Variants in CAMK1G observed in about 807,000 individuals in gnomAD.
The protein encoded by CAMK1G is calcium/calmodulin dependent protein kinase IG, also known as calcium/calmodulin-dependent protein kinase type 1G.
A neutral mutation model predicts 54.8 loss-of-function variants in CAMK1G; 27 were observed. That is an observed-to-expected ratio of 0.49 (90% CI 0.36 to 0.68). The LOEUF (loss-of-function observed/expected upper bound fraction) is 0.68. CAMK1G is among the 30% of genes least tolerant of loss of function. The pLI is 0.00. For synonymous variants in CAMK1G, 238 were observed against 224.9 expected (o/e 1.06, Z -0.52); for missense variants, 512 against 591.0 (o/e 0.87, Z 1.39).
intron 1 of CAMK1G, among the ~76,000 whole-genome samples, chr1:209,589,915 T>C (rs1348738112): frequency 4.6e-5 from 7 of 152,316 alleles, no homozygotes; most frequent in African/African-American, 1.7e-4. Context: ...TTTTCTTTGC[T>C]AGGAGCCATT....
In CAMK1G at chr1:209,603,240, T is replaced by G; in HGVS notation, c.248T>G (p.Leu83Arg). 6.2e-7 allele frequency: 1 copy of G among 1,614,172 alleles called. No individual in the cohort carries two copies. Among genetic ancestry groups the G allele is most frequent in the Non-Finnish European group, 8.5e-7 (1 of 1,180,016 alleles). Residue 83 changes from leucine (L) to arginine (R), a missense_variant, in exon 4 of 13, where the codon CTG becomes CGG. Leu to Arg is a moderately radical substitution (Grantham distance 102). This residue lies in a region of CAMK1G where 186 missense variants were observed against 231.5 expected (regional missense o/e 0.80). Transcript: ENST00000361322. ...KKIKHENIVT[L>R]EDIYESTTHY... is the part of the protein sequence containing the mutation. ...ATCAAGCATGAAAACATTGTGACCC[T>G]GGAGGACATCTATGAGAGCACCACC... is the stretch of plus-strand genomic sequence containing the variant.
chr1:209,598,981 A>C (rs747802988), intron 2 of CAMK1G, among the ~76,000 whole-genome samples: 2 of 152,164 alleles, frequency 1.3e-5, no homozygotes, highest in Non-Finnish European at 2.9e-5. Flanking sequence ...TTTATAAAGG[A>C]AAGAGGTTTA....
At chr1:209,585,638 T>TG (rs1665077488) in intron 1 of CAMK1G, among the ~76,000 whole-genome samples, 1 of 152,134 alleles carries the variant, frequency 6.6e-6, no homozygotes, top group Admixed American at 6.5e-5. Context: ...CCCACCCAGG[T>TG]GCGTGGTCCA....
chr1:209,588,664 G>C (rs1319438210), intron 1 of CAMK1G, among the ~76,000 whole-genome samples: 7 of 152,106 alleles, frequency 4.6e-5, no homozygotes, highest in African/African-American at 1.7e-4. Flanking sequence ...GCAGTTTTAG[G>C]GTATATGACC....
At position 209,591,255 on chromosome 1, in the gene CAMK1G, C is replaced by T. The variant is rs933998270; in HGVS notation, c.-29-3700C>T. On this transcript the variant is annotated intron_variant, in intron 1 of 12. Coordinates refer to ENST00000361322, the MANE Select transcript of CAMK1G (RefSeq NM_020439.3). ...TGCTGTGGTCCCTCTGGGCTGCCAC[C>T]CTGCCAAGAGGAGCAGATCAGCAAA... Among the ~76,000 whole-genome samples, 4 of 152,234 alleles carry T rather than the reference C, an allele frequency of 2.6e-5. No homozygotes were observed. The East Asian group carries it at 5.8e-4, about 22-fold the overall frequency.
chr1:209,587,772 T>C (rs1665139407), intron 1 of CAMK1G, among the ~76,000 whole-genome samples: 1 of 152,092 alleles, frequency 6.6e-6, no homozygotes, highest in Non-Finnish European at 1.5e-5. Flanking sequence ...TGATATAAAG[T>C]CCAATATGGA....
intron 7 of CAMK1G, 93 bp from the exon 8 acceptor site, chr1:209,608,887 C>T: frequency 2.6e-6 from 4 of 1,534,930 alleles, no homozygotes; most frequent in Non-Finnish European, 3.5e-6. Flanking sequence ...CAGTGCCCAC[C>T]TGTGTATACA....
intron 1 of CAMK1G, among the ~76,000 whole-genome samples, chr1:209,587,306 C>T (rs1665128248): frequency 1.3e-5 from 2 of 152,072 alleles, no homozygotes; most frequent in Admixed American, 1.3e-4. Flanking sequence ...TCATCTATCC[C>T]TGCAAAATAT....
intron 9 of CAMK1G, among the ~76,000 whole-genome samples, chr1:209,610,802 G>A (rs1244791662): frequency 2.6e-5 from 4 of 152,098 alleles, no homozygotes; most frequent in African/African-American, 9.7e-5. Context: ...GGCTCCTAGG[G>A]GTCAGGGCCC....
chr1:209,605,729 C>T, intron 5 of CAMK1G, 55 bp downstream of exon 5: 9 of 1,526,740 alleles, frequency 5.9e-6, no homozygotes, highest in Non-Finnish European at 8.0e-6. Flanking sequence ...AAGGAAGCTG[C>T]ATGGGTCATG....
At chr1:209,610,241 G>A (rs945667133) in intron 9 of CAMK1G, among the ~76,000 whole-genome samples, 1 of 152,208 alleles carries the variant, frequency 6.6e-6, no homozygotes, top group Non-Finnish European at 1.5e-5. Context: ...TGCCAGGAAT[G>A]GGCAACTCTG....
chr1:209,611,878 G>C lies in CAMK1G; in HGVS notation c.1002G>C (p.Glu334Asp), dbSNP rs148199770. The change falls in exon 11 of 13, where the codon GAG becomes GAC. Residue 334 changes from glutamate (E) to aspartate (D), a missense_variant. Around this residue, in one of 3 missense-constraint regions of CAMK1G, gnomAD observed 315 missense variants for 330.5 expected, o/e 0.95. Transcript: ENST00000361322. ...GCCCGGGCGTCCGCCCAGAGGTGGA[G>C]AACAGGCCGCCTGAAACTCAAGCCT... ...LHSPGVRPEV[E>D]NRPPETQASE... is the part of the protein sequence containing the mutation. 1.2e-6 allele frequency: 2 copies of C among 1,614,144 alleles called. No individual in the cohort carries two copies. The highest frequency in any genetic ancestry group is 2.7e-5 in the African/African-American group (2 of 74,950).
chr1:209,594,733 G>A (rs1179775193), intron 1 of CAMK1G, among the ~76,000 whole-genome samples: 2 of 152,240 alleles, frequency 1.3e-5, no homozygotes, highest in East Asian at 3.8e-4. Flanking sequence ...CATGCAGCAA[G>A]CATAGTGCAC....
chr1:209,596,475 A>G (rs73093684), intron 2 of CAMK1G, among the ~76,000 whole-genome samples: 2,067 of 152,292 alleles, frequency 0.014, 44 homozygotes, highest in African/African-American at 0.045. Context: ...TCTACCACAC[A>G]GCACCTAAAC....
chr1:209,591,236 G>A (rs757018564), intron 1 of CAMK1G, among the ~76,000 whole-genome samples: 9 of 152,132 alleles, frequency 5.9e-5, no homozygotes, highest in Non-Finnish European at 8.8e-5. Flanking sequence ...GAACTGCTGT[G>A]GTCCCTCTGG....
chr1:209,604,888 G>C lies in CAMK1G; in HGVS notation c.297-648G>C, dbSNP rs370197552. Among the ~76,000 whole-genome samples the C allele has an allele frequency of 1.5e-3, 225 of 152,304 alleles. 1 individual carries two copies. In the South Asian group the frequency reaches 0.019, roughly 13 times the overall value. On this transcript the variant is annotated intron_variant, in intron 4 of 12. Coordinates refer to ENST00000361322, the MANE Select transcript of CAMK1G (RefSeq NM_020439.3). ...AAAAAACACTCTGTCTTAGGAGGAA[G>C]AGTGTTCTCTGACACTTATGTGTTC...
At chr1:209,590,226 G>C (rs1033447879) in intron 1 of CAMK1G, among the ~76,000 whole-genome samples, 3 of 152,184 alleles carry the variant, frequency 2.0e-5, no homozygotes, top group African/African-American at 7.2e-5. Flanking sequence ...AGAGAGGAGG[G>C]GGAGGACTTT....
chr1:209,601,793 CCAGA>C (rs781721838), intron 3 of CAMK1G, among the ~76,000 whole-genome samples: 62 of 152,268 alleles, frequency 4.1e-4, no homozygotes, highest in Admixed American at 7.2e-4. Flanking sequence ...TTACTATTAC[CCAGA>C]CACTGTATTA....
intron 1 of CAMK1G, 140 bp downstream of exon 1, chr1:209,583,912 C>G (rs1050034616): frequency 6.6e-6 from 1 of 152,260 alleles, no homozygotes; most frequent in African/African-American, 2.4e-5. Context: ...CCAGTCTTCC[C>G]TGACTCTTTT....
Sources: gnomAD v4.1 joint callset for allele counts (sites outside exome capture counted in the v4.1 genomes callset) on GRCh38, gnomAD v4.1.1 for gene constraint, gnomAD v4.1.1 regional missense constraint, MANE v1.5 for transcripts, NCBI Gene and HGNC (gene_info 2026-07-23, HGNC 2026-07-21) for gene names.